The following NREP variants were observed in gnomAD, a reference collection of about 807,000 sequenced individuals.
NREP encodes the protein neuronal regeneration related protein.
In NREP, 5 loss-of-function variants were observed where a neutral mutation model predicts 8.6. The ratio of observed to expected loss-of-function variants is 0.58; its 90% confidence interval spans 0.30 to 1.22. The LOEUF is 1.22. NREP is among the 50% of genes most tolerant of loss of function. The pLI, the probability that NREP is intolerant of heterozygous loss-of-function variation, is 0.07. For synonymous variants in NREP, 27 were observed against 28.0 expected, an observed-to-expected ratio of 0.96 and a Z score of 0.11; for missense variants, 86 against 82.5, an observed-to-expected ratio of 1.04 and a Z score of -0.17.
In NREP at chr5:111,786,107, TAGAC is replaced by T. The variant is rs149801165; in HGVS notation, c.136-50604_136-50601del. ...CATTTGCTTCCAAAGACAGGGAACT[TAGAC>T]AGTTCTCAAAGTAGCTCATTCAATT... On this transcript the variant is annotated intron_variant, in intron 2 of 3. Coordinates refer to the NREP transcript ENST00000395634. Among the ~76,000 whole-genome samples, 1,176 of 152,340 alleles carry T rather than the reference TAGAC, an allele frequency of 7.7e-3. 19 individuals are homozygous for T. The highest frequency in any genetic ancestry group is 0.027 in the African/African-American group (1,116 of 41,576).
intron 2 of NREP, among the ~76,000 whole-genome samples, chr5:111,936,647 C>A (rs1362802999): frequency 6.6e-6 from 1 of 152,032 alleles, no homozygotes; most frequent in African/African-American, 2.4e-5. Context: ...AGTATTCAAC[C>A]CTGTACAAAG....
At chr5:111,932,590 T>C (rs1426746302) in intron 2 of NREP, among the ~76,000 whole-genome samples, 1 of 152,132 alleles carries the variant, frequency 6.6e-6, no homozygotes, top group Non-Finnish European at 1.5e-5. Context: ...TTGTTTCCTA[T>C]TAAACAACAA....
At position 111,755,731 on chromosome 5, in the gene NREP, A is replaced by G. The variant is rs959565133; in HGVS notation, c.3+39T>C. ...TGATATTTATATGTAACAGACTGGT[A>G]AGAAGTACTGAGAATCTCCTCTGAT... On this transcript the variant is annotated intron_variant, in intron 2 of 3. Transcript: ENST00000257435. 2.1e-5 allele frequency: 34 copies of G among 1,608,648 alleles called. No homozygotes were observed. In the East Asian group the frequency reaches 7.6e-4, roughly 36 times the overall value.
chr5:111,819,258 T>A (rs1230825256), intron 2 of NREP, among the ~76,000 whole-genome samples: 1 of 152,178 alleles, frequency 6.6e-6, no homozygotes, highest in African/African-American at 2.4e-5. Flanking sequence ...ACCCTTTCTG[T>A]CAAACTACTC....
At chr5:111,832,873 CT>C (rs2112937931) in intron 2 of NREP, among the ~76,000 whole-genome samples, 1 of 152,284 alleles carries the variant, frequency 6.6e-6, no homozygotes, top group South Asian at 2.1e-4. Flanking sequence ...GCAAGTTGGA[CT>C]CTTCAGGAAG....
At chr5:111,781,876 C>A (rs1395309503) in intron 2 of NREP, among the ~76,000 whole-genome samples, 1 of 152,106 alleles carries the variant, frequency 6.6e-6, no homozygotes, top group Non-Finnish European at 1.5e-5. Flanking sequence ...AGTCAAACTT[C>A]AAGGATAGCC....
chr5:111,814,114 T>C (rs1243092540), intron 2 of NREP, among the ~76,000 whole-genome samples: 2 of 152,094 alleles, frequency 1.3e-5, no homozygotes, highest in Admixed American at 6.5e-5. Flanking sequence ...AGTATTTGTC[T>C]GGTTAGGATT....
chr5:111,836,973 G>T (rs919461522), intron 2 of NREP, among the ~76,000 whole-genome samples: 1 of 152,158 alleles, frequency 6.6e-6, no homozygotes, highest in Non-Finnish European at 1.5e-5. Flanking sequence ...TTGAGAGGAA[G>T]AAAGAAGACT....
At chr5:111,865,921 A>G (rs749242275) in intron 2 of NREP, among the ~76,000 whole-genome samples, 2 of 152,180 alleles carry the variant, frequency 1.3e-5, no homozygotes, top group East Asian at 3.9e-4. Context: ...ACAGGTCTAG[A>G]TCATAAACTG....
intron 2 of NREP, among the ~76,000 whole-genome samples, chr5:111,864,290 T>C (rs1007572498): frequency 2.0e-5 from 3 of 152,158 alleles, no homozygotes; most frequent in African/African-American, 7.2e-5. Flanking sequence ...GGAAATACTT[T>C]TAATGTAATG....
chr5:111,757,188 C>CA lies in NREP; in HGVS notation c.-112dup. 4.2e-6 allele frequency: 4 copies of CA among 950,882 alleles called. No homozygotes were observed. The highest frequency in any genetic ancestry group is 4.9e-6 in the Non-Finnish European group (4 of 816,982). 58.9% of individuals were successfully genotyped at this position (950,882 alleles called of 1,614,324 possible). On this transcript the variant is annotated 5_prime_UTR_variant, in exon 1 of 4. Transcript: ENST00000257435. Reference sequence around the variant, plus strand: ...CTCTCTCCTCTCTACACCTGAAACACAAATGTGGTTGAAAAAGGGCAACAT... The same window carrying CA: ...CTCTCTCCTCTCTACACCTGAAACACAAAATGTGGTTGAAAAAGGGCAACAT...
chr5:111,792,459 G>A (rs1406775557), intron 2 of NREP, among the ~76,000 whole-genome samples: 2 of 152,186 alleles, frequency 1.3e-5, no homozygotes, highest in Admixed American at 6.5e-5. Flanking sequence ...TGTAAAGATT[G>A]TGTAGCTTAA....
intron 2 of NREP, among the ~76,000 whole-genome samples, chr5:111,884,622 C>A (rs1385830130): frequency 1.3e-5 from 2 of 152,224 alleles, no homozygotes; most frequent in East Asian, 3.9e-4. Flanking sequence ...AAAGCTTATC[C>A]ACCATGATCA....
At chr5:111,748,527 G>C (rs560878657) in intron 2 of NREP, among the ~76,000 whole-genome samples, 16 of 152,274 alleles carry the variant, frequency 1.1e-4, no homozygotes, top group African/African-American at 3.4e-4. Context: ...CCAGATCCTA[G>C]TTAGGTATGG....
chr5:111,821,422 A>C (rs770710207), intron 2 of NREP, among the ~76,000 whole-genome samples: 3 of 152,184 alleles, frequency 2.0e-5, no homozygotes, highest in Non-Finnish European at 4.4e-5. Context: ...GCATGTGTAC[A>C]TGAAAAACAA....
At chr5:111,886,267 A>G (rs1754245693) in intron 2 of NREP, among the ~76,000 whole-genome samples, 2 of 152,236 alleles carry the variant, frequency 1.3e-5, no homozygotes, top group African/African-American at 2.4e-5. Flanking sequence ...CAAAACCGCA[A>G]TGAGATACCA....
At chr5:111,935,897 C>A (rs537747016) in intron 2 of NREP, among the ~76,000 whole-genome samples, 1 of 152,136 alleles carries the variant, frequency 6.6e-6, no homozygotes, top group African/African-American at 2.4e-5. Context: ...TTTATTCTCC[C>A]ATAGTTTTAG....
At chr5:111,821,367 A>T (rs754002171) in intron 2 of NREP, among the ~76,000 whole-genome samples, 3 of 120,368 alleles carry the variant, frequency 2.5e-5, no homozygotes, top group African/African-American at 5.5e-5. Context: ...TCCCTTCTTT[A>T]AAAAAAAAAA....
At chr5:111,817,861 C>A (rs1449620245) in intron 2 of NREP, among the ~76,000 whole-genome samples, 7 of 147,222 alleles carry the variant, frequency 4.8e-5, no homozygotes, top group African/African-American at 1.8e-4. Flanking sequence ...TATGTATACA[C>A]ACACATATAT....
Sources: gnomAD v4.1 joint callset for allele counts (sites outside exome capture counted in the v4.1 genomes callset) on GRCh38, gnomAD v4.1.1 for gene constraint, MANE v1.5 for transcripts, NCBI Gene and HGNC (gene_info 2026-07-23, HGNC 2026-07-21) for gene names.